The following PPFIBP2 variants were observed in gnomAD, a reference collection of about 807,000 sequenced individuals.
PPFIBP2 encodes liprin-beta-2.
Under a neutral mutation model 118.3 loss-of-function variants are expected in PPFIBP2, and 118 were observed. The ratio of observed to expected loss-of-function variants is 1.00; its 90% CI spans 0.86 to 1.16. The LOEUF is 1.16. Ranked by LOEUF, PPFIBP2 falls within the 50% of genes most tolerant of loss-of-function variation. The pLI is 0.00. For missense variants in PPFIBP2, 1,195 were observed against 1,073.1 expected (o/e 1.11, Z -1.59); for synonymous variants, 414 against 397.4 (o/e 1.04, Z -0.50).
intron 3 of PPFIBP2, among the ~76,000 whole-genome samples, chr11:7,579,956 A>G (rs1427641724): frequency 1.3e-5 from 2 of 152,090 alleles, no homozygotes; most frequent in Admixed American, 6.5e-5. Flanking sequence ...TTCTTAAAAA[A>G]AAAAACAAAA....
chr11:7,644,949 C>T (rs1852781736), intron 17 of PPFIBP2, among the ~76,000 whole-genome samples: 2 of 135,426 alleles, frequency 1.5e-5, no homozygotes, highest in South Asian at 4.8e-4. Context: ...ATGGCGTGAA[C>T]CCGGGAGGCG....
At chr11:7,546,893 C>A (rs1018789901) in intron 1 of PPFIBP2, among the ~76,000 whole-genome samples, 1 of 152,236 alleles carries the variant, frequency 6.6e-6, no homozygotes, top group Non-Finnish European at 1.5e-5. Flanking sequence ...TTTGTTCATA[C>A]TTCCGTCTCT....
intron 1 of PPFIBP2, among the ~76,000 whole-genome samples, chr11:7,518,138 C>G (rs1051061230): frequency 3.3e-5 from 5 of 152,208 alleles, no homozygotes; most frequent in African/African-American, 1.2e-4. Context: ...TTTTACTTTC[C>G]TCATCATGAT....
At chr11:7,606,116 AATAG>A in intron 5 of PPFIBP2, 2 of 1,345,462 alleles carry the variant, frequency 1.5e-6, no homozygotes, top group Non-Finnish European at 2.0e-6. Context: ...ACTGTCTTAG[AATAG>A]CAGGATAGAT....
At chr11:7,597,168 A>C in intron 4 of PPFIBP2, 4 of 1,457,974 alleles carry the variant, frequency 2.7e-6, no homozygotes, top group Middle Eastern at 2.5e-4. Flanking sequence ...TGAAGTTTGG[A>C]CCGCTCTTCC....
rs771506765 is a variant in PPFIBP2, at chr11:7,653,266, CTG to C, written c.*56_*57del. The C allele has an allele frequency of 1.4e-5, 22 of 1,609,776 alleles. No individual in the cohort carries two copies. Among genetic ancestry groups the C allele is most frequent in the Admixed American group, 1.2e-4 (7 of 59,576 alleles). On this transcript the variant is annotated 3_prime_UTR_variant, in exon 24 of 24. Coordinates refer to ENST00000299492, the MANE Select transcript of PPFIBP2 (RefSeq NM_003621.5). ...TGCACCCTGAGAGCTCACAGTAACACTGTGTGTGTCACCATATAACTGCACCT... is the reference window on the plus strand; with the variant it reads ...TGCACCCTGAGAGCTCACAGTAACACTGTGTGTCACCATATAACTGCACCT...
rs1013056662 is a variant in PPFIBP2 at position 7,642,151 on chromosome 11, T to C, written c.1518-147T>C. 7.5e-6 allele frequency: 7 copies of C among 931,472 alleles called. No homozygotes were observed. The East Asian group carries it at 1.7e-4, about 23-fold the overall frequency. 57.7% of individuals were successfully genotyped at this position (931,472 alleles called of 1,614,324 possible). A position where few individuals can be genotyped will look rare whatever the true frequency, so the allele number is the denominator to read the frequency against. ...CTGGCCAAGGAGCTGCGACAGGTTG[T>C]GATCCTTGATCTCTGGGAAGGTACG... On this transcript the variant is annotated intron_variant, in intron 16 of 23. Coordinates refer to ENST00000299492, the MANE Select transcript of PPFIBP2 (RefSeq NM_003621.5).
At chr11:7,580,202 C>T (rs1274717867) in intron 3 of PPFIBP2, among the ~76,000 whole-genome samples, 1 of 152,196 alleles carries the variant, frequency 6.6e-6, no homozygotes, top group African/African-American at 2.4e-5. Context: ...AACTCTCATC[C>T]ACTTCAACTG....
At chr11:7,640,633 T>G (rs1852050022) in intron 15 of PPFIBP2, among the ~76,000 whole-genome samples, 1 of 152,166 alleles carries the variant, frequency 6.6e-6, no homozygotes, top group Non-Finnish European at 1.5e-5. Flanking sequence ...GATAAACCCT[T>G]GAATGAGTGT....
At chr11:7,663,612 C>T in the PPFIBP2 span, among the ~76,000 whole-genome samples, 8 of 152,356 alleles carry the variant, frequency 5.3e-5, no homozygotes, top group South Asian at 1.2e-3. Flanking sequence ...TTTGTCTGTT[C>T]CCTGCCCCCA....
intron 17 of PPFIBP2, among the ~76,000 whole-genome samples, chr11:7,644,962 G>A (rs1852786751): frequency 1.4e-5 from 2 of 144,150 alleles, no homozygotes; most frequent in Non-Finnish European, 3.0e-5. Flanking sequence ...GGGAGGCGGA[G>A]CTTGCAGTGA....
At chr11:7,665,220 T>C in the PPFIBP2 span, 2 of 614,938 alleles carry the variant, frequency 3.3e-6, no homozygotes, top group East Asian at 3.2e-5. Context: ...TGAGCCCTTT[T>C]TGTTAGGCCC....
At chr11:7,637,222 G>T (rs1360731104) in intron 14 of PPFIBP2, among the ~76,000 whole-genome samples, 1 of 152,184 alleles carries the variant, frequency 6.6e-6, no homozygotes, top group African/African-American at 2.4e-5. Flanking sequence ...TAGGCTCAGC[G>T]CTAGTTTCTC....
intron 5 of PPFIBP2, among the ~76,000 whole-genome samples, chr11:7,599,653 C>T (rs974428544): frequency 6.4e-5 from 9 of 139,828 alleles, no homozygotes; most frequent in Admixed American, 2.2e-4. Context: ...TTTTTTGAGA[C>T]GGAGTCTTTC....
intron 7 of PPFIBP2, among the ~76,000 whole-genome samples, chr11:7,622,162 C>T (rs1209160522): frequency 6.6e-6 from 1 of 152,206 alleles, no homozygotes; most frequent in Non-Finnish European, 1.5e-5. Context: ...TCTAGTGAAG[C>T]CTCAGGGAGT....
At chr11:7,591,135 G>A (rs1315480687) in intron 3 of PPFIBP2, among the ~76,000 whole-genome samples, 2 of 152,004 alleles carry the variant, frequency 1.3e-5, no homozygotes, top group Admixed American at 6.6e-5. Context: ...AGTAAAAATA[G>A]TTACCTCTCT....
chr11:7,642,367 G>A lies in PPFIBP2; in HGVS notation c.1587G>A (p.Gly529=). The A allele has an allele frequency of 1.9e-6, 3 of 1,614,066 alleles. No individual in the cohort carries two copies. The highest frequency in any genetic ancestry group is 2.5e-6 in the Non-Finnish European group (3 of 1,179,972). ...GGATGGCAGAGTTTCGACGAGGTGG[G>A]CTCCGGGCAACCGCAGGGCCAAGAC... ...TLGMAEFRRG[G]LRATAGPRLS... The change falls in exon 17 of 24, where the codon GGG becomes GGA. Residue 529 remains glycine, a synonymous_variant. Transcript: ENST00000299492.
At chr11:7,577,729 G>T in intron 3 of PPFIBP2, 2 of 452,710 alleles carry the variant, frequency 4.4e-6, no homozygotes, top group South Asian at 1.6e-5. Context: ...GCCTGTGTGT[G>T]GTAGGGGGAG....
chr11:7,622,475 G>A (rs1263616271), intron 7 of PPFIBP2, among the ~76,000 whole-genome samples: 2 of 152,136 alleles, frequency 1.3e-5, no homozygotes, highest in Non-Finnish European at 1.5e-5. Flanking sequence ...TAATTTACAT[G>A]CAATTTTATA....
Sources: allele counts gnomAD v4.1 joint callset (sites outside exome capture counted in the v4.1 genomes callset), GRCh38; gene constraint gnomAD v4.1.1; transcripts MANE v1.5; gene names NCBI Gene and HGNC (gene_info 2026-07-23, HGNC 2026-07-21).